RBM20: variants seen among roughly 807,000 people sequenced by gnomAD.
The protein encoded by RBM20 is RNA-binding protein 20.
RBM20 carries 51 observed loss-of-function variants against 110.1 expected under a neutral mutation model. That is an observed-to-expected ratio of 0.46 (90% CI 0.37 to 0.59). The LOEUF is 0.59. RBM20 is among the 20% of genes least tolerant of loss of function. The pLI is 0.00. For missense variants in RBM20, 1,512 were observed against 1,574.9 expected (o/e 0.96, Z 0.68); for synonymous variants, 589 against 618.2 (o/e 0.95, Z 0.70).
chr10:110,677,805 G>T lies in RBM20; in HGVS notation c.191+33160G>T, dbSNP rs1022367298. ...ATCTCATGTTACTTGTCTTCATGTT[G>T]TAGACATCTCTCTAAAAATAATGAT... On this transcript the variant is annotated intron_variant, in intron 1 of 13. Transcript: ENST00000369519. 3.9e-5 allele frequency among the ~76,000 whole-genome samples: 6 copies of T among 152,160 alleles called. No homozygotes were observed. The South Asian group carries it at 1.2e-3, about 32-fold the overall frequency.
rs556812842 is a variant in RBM20 at position 110,645,275 on chromosome 10, AGGTTGGGGGT to A, written c.191+635_191+644del. On this transcript the variant is annotated intron_variant, in intron 1 of 13. Transcript: ENST00000369519. ...AGGTCGGCCTTCCCAATGCTTGAGA[AGGTTGGGGGT>A]GGTTAATAAGCCCCGAGAGGCTCTT... Among the ~76,000 whole-genome samples, 316 of 152,288 alleles carry A rather than the reference AGGTTGGGGGT, an allele frequency of 2.1e-3. 2 individuals are homozygous for A. The highest frequency in any genetic ancestry group is 7.3e-3 in the African/African-American group (304 of 41,554).
At chr10:110,807,386 A>C (rs567623436) in intron 7 of RBM20, among the ~76,000 whole-genome samples, 2 of 152,306 alleles carry the variant, frequency 1.3e-5, no homozygotes, top group South Asian at 4.1e-4. Flanking sequence ...GCTCACTCTA[A>C]CTGCACCTCT....
rs558674954 is a variant in RBM20, at chr10:110,810,389, G to A, written c.1807G>A (p.Gly603Arg). 105 of 1,551,230 alleles carry A rather than the reference G, an allele frequency of 6.8e-5. No individual in the cohort carries two copies. The Admixed American group carries it at 8.2e-4, about 12-fold the overall frequency. The change falls in exon 8 of 14, where the codon GGG (glycine) becomes AGG (arginine). Residue 603 changes from glycine (G) to arginine (R), a missense_variant. Physicochemically the swap from Gly to Arg is moderately radical, Grantham distance 125. Around this residue, in one of 3 missense-constraint regions of RBM20, gnomAD observed 1,149 missense variants for 1,169.4 expected, o/e 0.98. Transcript: ENST00000369519. ...ATCTCTCTGACTTTGCTAGAAACCC[G>A]GGAAGGCCGTGGCTGCCATCATCCA... ...RYKELQLKKP[G>R]KAVAAIIQDI...
chr10:110,791,632 G>A (rs1236903808), intron 5 of RBM20, among the ~76,000 whole-genome samples: 1 of 152,176 alleles, frequency 6.6e-6, no homozygotes, highest in African/African-American at 2.4e-5. Flanking sequence ...AGGGTCAGTT[G>A]AGAGGTCTGG....
At chr10:110,758,612 C>T (rs115808196) in intron 1 of RBM20, among the ~76,000 whole-genome samples, 547 of 152,248 alleles carry the variant, frequency 3.6e-3, no homozygotes, top group African/African-American at 0.012. Flanking sequence ...AGATATGAAG[C>T]GACACTGCCC....
At chr10:110,713,845 C>T (rs1016197662) in intron 1 of RBM20, among the ~76,000 whole-genome samples, 2 of 152,156 alleles carry the variant, frequency 1.3e-5, no homozygotes, top group Non-Finnish European at 2.9e-5. Flanking sequence ...ATCCCGGGCT[C>T]CTTATCCCTG....
intron 1 of RBM20, among the ~76,000 whole-genome samples, chr10:110,751,943 C>T (rs1048657298): frequency 6.6e-6 from 1 of 151,816 alleles, no homozygotes; most frequent in African/African-American, 2.4e-5. Context: ...ACAGAGATTT[C>T]CGATATACCC....
intron 1 of RBM20, among the ~76,000 whole-genome samples, chr10:110,762,388 T>C (rs1844017760): frequency 1.3e-5 from 2 of 152,332 alleles, no homozygotes; most frequent in South Asian, 4.1e-4. Flanking sequence ...GAATTTTCAT[T>C]TGGGATGTTC....
Position 110,810,477 on chromosome 10 carries a change from C to T in RBM20, c.1880+15C>T. 6.5e-7 allele frequency: 1 copy of T among 1,543,516 alleles called. No homozygotes were observed. The highest frequency in any genetic ancestry group is 8.8e-7 in the Non-Finnish European group (1 of 1,139,720). ...GAAGCAGACAGGTGAGGCCCCAAGC[C>T]CCAAGTCTCCAGGCAGGTTCTGGGC... On this transcript the variant is annotated intron_variant, in intron 8 of 13. Coordinates refer to ENST00000369519, the MANE Select transcript of RBM20 (RefSeq NM_001134363.3).
At chr10:110,648,714 A>AGC (rs1554886880) in intron 1 of RBM20, among the ~76,000 whole-genome samples, 9,046 of 145,964 alleles carry the variant, frequency 0.062, 326 homozygotes, top group East Asian at 0.12. Context: ...AGGGAAGAAA[A>AGC]GGGGGGGGTG....
intron 1 of RBM20, among the ~76,000 whole-genome samples, chr10:110,764,981 A>C (rs1844060459): frequency 2.0e-5 from 3 of 150,038 alleles, no homozygotes; most frequent in Admixed American, 1.3e-4. Context: ...CTGTGTCCCC[A>C]CCCCCTCCGT....
intron 1 of RBM20, among the ~76,000 whole-genome samples, chr10:110,697,655 G>A (rs1244598726): frequency 1.3e-5 from 2 of 152,166 alleles, no homozygotes; most frequent in Non-Finnish European, 2.9e-5. Context: ...CCTGGCCCCT[G>A]AGCCCACCTT....
intron 1 of RBM20, among the ~76,000 whole-genome samples, chr10:110,728,955 T>G (rs1420595142): frequency 6.6e-6 from 1 of 152,208 alleles, no homozygotes; most frequent in Non-Finnish European, 1.5e-5. Flanking sequence ...CTGTGTGATC[T>G]TGGGCAGAAT....
chr10:110,744,163 T>C (rs1418300984), intron 1 of RBM20, among the ~76,000 whole-genome samples: 1 of 152,104 alleles, frequency 6.6e-6, no homozygotes, highest in Non-Finnish European at 1.5e-5. Context: ...TACCTCTCTA[T>C]ACAGAGGAAA....
chr10:110,657,242 C>A (rs1237132418), intron 1 of RBM20, among the ~76,000 whole-genome samples: 2 of 151,886 alleles, frequency 1.3e-5, no homozygotes, highest in African/African-American at 2.4e-5. Flanking sequence ...ATCTCGATCT[C>A]CTGACCTCGT....
At chr10:110,685,205 A>G (rs758346818) in intron 1 of RBM20, among the ~76,000 whole-genome samples, 1 of 152,220 alleles carries the variant, frequency 6.6e-6, no homozygotes, top group Non-Finnish European at 1.5e-5. Flanking sequence ...GGCCTGTCAA[A>G]AAGAAGTTAT....
intron 5 of RBM20, among the ~76,000 whole-genome samples, chr10:110,790,969 A>T (rs980562660): frequency 5.3e-5 from 8 of 152,180 alleles, no homozygotes; most frequent in Non-Finnish European, 4.4e-5. Context: ...GTTTCCAGGG[A>T]TGTTGAAGCT....
chr10:110,741,763 G>C (rs1463462929), intron 1 of RBM20, among the ~76,000 whole-genome samples: 2 of 149,116 alleles, frequency 1.3e-5, no homozygotes, highest in Admixed American at 6.7e-5. Flanking sequence ...CACCAAGCCT[G>C]AGCTCAGACC....
intron 1 of RBM20, among the ~76,000 whole-genome samples, chr10:110,683,750 T>C (rs549554163): frequency 2.6e-5 from 4 of 152,208 alleles, no homozygotes; most frequent in African/African-American, 9.7e-5. Context: ...AATGAATATG[T>C]TGAGTCAGTT....
Sources: allele counts gnomAD v4.1 joint callset (sites outside exome capture counted in the v4.1 genomes callset), GRCh38; gene constraint gnomAD v4.1.1; regional missense constraint gnomAD v4.1.1; transcripts MANE v1.5; gene names NCBI Gene and HGNC (gene_info 2026-07-23, HGNC 2026-07-21).